The following TLK2 variants were observed in gnomAD, a reference collection of about 807,000 sequenced individuals.
TLK2 encodes the protein serine/threonine-protein kinase tousled-like 2.
Under a neutral mutation model 117.3 loss-of-function variants are expected in TLK2, and 6 were observed. The observed-to-expected ratio is 0.05, with a 90% CI of 0.03 to 0.10. The LOEUF (loss-of-function observed/expected upper bound fraction) is 0.10, where lower values mean the gene tolerates loss of function less well. TLK2 is among the 10% of genes least tolerant of loss of function. The probability of loss-of-function intolerance (pLI) is 1.00; values close to 1 mark genes in which losing one functional copy is unlikely to be tolerated. For synonymous variants in TLK2, 257 were observed against 316.7 expected (o/e 0.81, Z 2.00); for missense variants, 299 against 901.2 (o/e 0.33, Z 8.56).
In TLK2 at chr17:62,590,844, C is replaced by T. The variant is rs577413063; in HGVS notation, c.1460+4618C>T. ...TTCAGTCAGTTTTGTAAAATAAAAA[C>T]GTACATACTTTTTCCTCTCCTGCTT... On this transcript the variant is annotated intron_variant, in intron 16 of 21. Transcript: ENST00000346027. 7.2e-5 allele frequency among the ~76,000 whole-genome samples: 11 copies of T among 152,290 alleles called. No individual in the cohort carries two copies. In the South Asian group the frequency reaches 1.9e-3, roughly 26 times the overall value.
intron 2 of TLK2, among the ~76,000 whole-genome samples, chr17:62,505,945 G>A (rs560597117): frequency 1.3e-3 from 203 of 152,168 alleles, no homozygotes; most frequent in Admixed American, 3.3e-3. Context: ...CTCCTGCCTC[G>A]GCCTCCCGAA....
At chr17:62,518,483 C>A (rs1215498675) in intron 2 of TLK2, among the ~76,000 whole-genome samples, 1 of 152,062 alleles carries the variant, frequency 6.6e-6, no homozygotes, top group African/African-American at 2.4e-5. Flanking sequence ...GTGGGCGGAT[C>A]ACTTGAAGGC....
intron 9 of TLK2, among the ~76,000 whole-genome samples, chr17:62,556,965 G>A (rs528526048): frequency 3.3e-4 from 50 of 152,304 alleles, no homozygotes; most frequent in African/African-American, 1.2e-3. Context: ...TCTTGCTGTT[G>A]CCCAGGCTGG....
chr17:62,561,705 G>A (rs1036307822), intron 10 of TLK2, among the ~76,000 whole-genome samples: 1 of 152,134 alleles, frequency 6.6e-6, no homozygotes, highest in Non-Finnish European at 1.5e-5. Flanking sequence ...GGGAAATTTT[G>A]TTTCATTCTT....
At chr17:62,540,399 A>ATTT (rs1567879183) in intron 7 of TLK2, among the ~76,000 whole-genome samples, 2 of 13,380 alleles carry the variant, frequency 1.5e-4, no homozygotes, top group African/African-American at 1.9e-4. Flanking sequence ...ATATGTTCAG[A>ATTT]ATTTTTTTTT....
chr17:62,589,721 T>G (rs556895347), intron 16 of TLK2, among the ~76,000 whole-genome samples: 2 of 152,312 alleles, frequency 1.3e-5, no homozygotes, highest in Non-Finnish European at 2.9e-5. Context: ...AACCAAAGGG[T>G]AGAGCGCTAT....
intron 16 of TLK2, among the ~76,000 whole-genome samples, chr17:62,596,072 GTTATTTTATT>G (rs907338548): frequency 2.3e-4 from 35 of 152,046 alleles, no homozygotes; most frequent in African/African-American, 8.2e-4. Context: ...TTGAGCACCT[GTTATTTTATT>G]TTATTTTATT....
chr17:62,478,761 C>CCT (rs202074617), upstream of TLK2, among the ~76,000 whole-genome samples: 415 of 133,250 alleles, frequency 3.1e-3, 4 homozygotes, highest in East Asian at 8.3e-3. Flanking sequence ...GGACCCCCCC[C>CCT]GCCTCCCAGC....
rs183837909 is a variant in TLK2, at chr17:62,501,524, G to C, written c.82-19249G>C. 3.9e-4 allele frequency among the ~76,000 whole-genome samples: 60 copies of C among 152,024 alleles called. 1 individual carries two copies. The East Asian group carries it at 9.5e-3, about 24-fold the overall frequency. On this transcript the variant is annotated intron_variant, in intron 2 of 21. Transcript: ENST00000346027. ...AAGGTGGGCCAATTGCTTGAGTCTAGGAGTTTGAGACCAGCCTGGGCAATA... is the reference window on the plus strand; with the variant it reads ...AAGGTGGGCCAATTGCTTGAGTCTACGAGTTTGAGACCAGCCTGGGCAATA...
chr17:62,610,573 G>A (rs116944623), intron 21 of TLK2, among the ~76,000 whole-genome samples: 1,571 of 152,338 alleles, frequency 0.01, 22 homozygotes, highest in Admixed American at 0.016. Flanking sequence ...CAAAGATGAA[G>A]TGACAGTTTG....
chr17:62,527,439 G>C (rs375854081), intron 6 of TLK2, among the ~76,000 whole-genome samples: 2 of 152,076 alleles, frequency 1.3e-5, no homozygotes, highest in Admixed American at 6.6e-5. Flanking sequence ...TATTACCAGT[G>C]CTGCAGAAGT....
chr17:62,560,510 TATA>T (rs1370374106), intron 10 of TLK2, among the ~76,000 whole-genome samples: 2 of 149,990 alleles, frequency 1.3e-5, no homozygotes, highest in African/African-American at 4.9e-5. Context: ...AACTTATGTA[TATA>T]ATAATGTGAT....
In TLK2 at chr17:62,500,278, A is replaced by G. The variant is rs57809423; in HGVS notation, c.81+19072A>G. On this transcript the variant is annotated intron_variant, in intron 2 of 21. Transcript: ENST00000346027. ...AAAAGAATGGAAAAAGATACTGTATAAACAGTATCACTAAATATAAAAAAG... is the reference window on the plus strand; with the variant it reads ...AAAAGAATGGAAAAAGATACTGTATGAACAGTATCACTAAATATAAAAAAG... Among the ~76,000 whole-genome samples the G allele has an allele frequency of 2.4e-3, 358 of 152,134 alleles. 3 individuals carry two copies. Among genetic ancestry groups the G allele is most frequent in the African/African-American group, 6.6e-3 (276 of 41,506 alleles).
chr17:62,584,107 G>GTTTTTTTTTTTTTTTTT, intron 15 of TLK2, among the ~76,000 whole-genome samples: 1 of 78,522 alleles, frequency 1.3e-5, no homozygotes, highest in Non-Finnish European at 2.3e-5. Flanking sequence ...TTCTTTTGTG[G>GTTTTTTTTTTTTTTTTT]TTTTTTTTTT....
At chr17:62,553,614 A>C in intron 8 of TLK2, 49 bp from the exon 9 acceptor site, 1 of 1,283,188 alleles carries the variant, frequency 7.8e-7, no homozygotes, top group Non-Finnish European at 1.1e-6. Flanking sequence ...GTGATGACAT[A>C]TAACATGTTG....
At chr17:62,506,585 T>G (rs1279931178) in intron 2 of TLK2, among the ~76,000 whole-genome samples, 2 of 152,214 alleles carry the variant, frequency 1.3e-5, no homozygotes, top group Non-Finnish European at 2.9e-5. Context: ...CTAAACTTAT[T>G]GGTCACTGAA....
intron 16 of TLK2, among the ~76,000 whole-genome samples, chr17:62,589,111 C>T (rs1419626658): frequency 6.6e-6 from 1 of 152,100 alleles, no homozygotes; most frequent in Admixed American, 6.6e-5. Flanking sequence ...CACTTCATTC[C>T]TCTCCTCCTC....
intron 7 of TLK2, among the ~76,000 whole-genome samples, chr17:62,542,169 G>T (rs1045574622): frequency 6.6e-6 from 1 of 152,230 alleles, no homozygotes. Flanking sequence ...TGAGGAGATG[G>T]AGAAGCGTAA....
chr17:62,481,129 A>G lies in TLK2; in HGVS notation c.4A>G (p.Met2Val). 1.2e-6 allele frequency: 2 copies of G among 1,613,808 alleles called. No individual in the cohort carries two copies. The highest frequency in any genetic ancestry group is 1.7e-6 in the Non-Finnish European group (2 of 1,179,768). ...TACTTTTTCTTTTTCAGCAGAAATGATGGAAGAATTGCATAGCCTGGACCC... is the reference window on the plus strand; with the variant it reads ...TACTTTTTCTTTTTCAGCAGAAATGGTGGAAGAATTGCATAGCCTGGACCC... M[M>V]EELHSLDPRR... Residue 2 changes from methionine (M) to valine (V), a missense_variant, in exon 2 of 22, where the codon ATG (methionine) becomes GTG (valine). By Grantham distance (21) the Met-to-Val change is conservative. Coordinates refer to ENST00000346027, the MANE Select transcript of TLK2 (RefSeq NM_006852.6).
Sources: gnomAD v4.1 joint callset for allele counts (sites outside exome capture counted in the v4.1 genomes callset) on GRCh38, gnomAD v4.1.1 for gene constraint, MANE v1.5 for transcripts, NCBI Gene and HGNC (gene_info 2026-07-23, HGNC 2026-07-21) for gene names.